The following CNTNAP2 variants were observed in gnomAD, a reference collection of about 807,000 sequenced individuals.
CNTNAP2 encodes the protein contactin-associated protein-like 2.
In CNTNAP2, 98 loss-of-function variants were observed where a neutral mutation model predicts 155.2. The observed-to-expected ratio is 0.63, with a 90% confidence interval of 0.54 to 0.75. CNTNAP2 has a LOEUF of 0.75. Ranked by LOEUF, CNTNAP2 falls within the 30% of genes least tolerant of loss-of-function variation. CNTNAP2 has a pLI of 0.00. For synonymous variants in CNTNAP2, 651 were observed against 631.2 expected (o/e 1.03, Z -0.47); for missense variants, 1,727 against 1,688.1 (o/e 1.02, Z -0.40).
chr7:147,359,720 A>G (rs919997430), intron 9 of CNTNAP2, among the ~76,000 whole-genome samples: 1 of 152,012 alleles, frequency 6.6e-6, no homozygotes, highest in African/African-American at 2.4e-5. Flanking sequence ...ACTTGCTCAC[A>G]TGGCCACTTG....
chr7:146,417,024 ATAT>A (rs1465090376), intron 1 of CNTNAP2, among the ~76,000 whole-genome samples: 1 of 152,064 alleles, frequency 6.6e-6, no homozygotes, highest in Non-Finnish European at 1.5e-5. Context: ...GTATCCTAAA[ATAT>A]TATGCTGTGG....
At chr7:148,108,112 C>A (rs1804263236) in intron 15 of CNTNAP2, among the ~76,000 whole-genome samples, 1 of 152,232 alleles carries the variant, frequency 6.6e-6, no homozygotes, top group African/African-American at 2.4e-5. Flanking sequence ...GGAGACAGGG[C>A]AGGGGCAGGC....
At chr7:147,531,130 A>T (rs1799424309) in intron 11 of CNTNAP2, among the ~76,000 whole-genome samples, 1 of 152,116 alleles carries the variant, frequency 6.6e-6, no homozygotes, top group Non-Finnish European at 1.5e-5. Flanking sequence ...ATGGCTTTAC[A>T]GGGTACAGCC....
chr7:147,329,797 T>C (rs1047979520), intron 9 of CNTNAP2, among the ~76,000 whole-genome samples: 13 of 152,174 alleles, frequency 8.5e-5, no homozygotes, highest in African/African-American at 3.1e-4. Context: ...TACATCTTCC[T>C]CTACTCTTTT....
At chr7:146,460,513 A>T (rs1222897847) in intron 1 of CNTNAP2, among the ~76,000 whole-genome samples, 1 of 152,242 alleles carries the variant, frequency 6.6e-6, no homozygotes, top group South Asian at 2.1e-4. Flanking sequence ...TAGCCAAGAT[A>T]TGGAATCAAC....
intron 12 of CNTNAP2, among the ~76,000 whole-genome samples, chr7:147,563,815 T>C (rs1255057098): frequency 6.6e-6 from 1 of 152,092 alleles, no homozygotes; most frequent in African/African-American, 2.4e-5. Flanking sequence ...TGATTCATTA[T>C]GTGTGAAGTG....
intron 8 of CNTNAP2, among the ~76,000 whole-genome samples, chr7:147,160,764 A>G (rs567844987): frequency 2.6e-5 from 4 of 152,282 alleles, no homozygotes; most frequent in African/African-American, 9.6e-5. Context: ...AAATATGCAG[A>G]GGCATAAAGG....
chr7:147,211,545 C>CA (rs1212394576), intron 8 of CNTNAP2, among the ~76,000 whole-genome samples: 1 of 151,788 alleles, frequency 6.6e-6, no homozygotes, highest in African/African-American at 2.4e-5. Flanking sequence ...GACAAGTCAC[C>CA]AAAAAATTAG....
chr7:146,882,441 C>A (rs151049749), intron 3 of CNTNAP2, among the ~76,000 whole-genome samples: 17 of 152,078 alleles, frequency 1.1e-4, no homozygotes, highest in African/African-American at 4.1e-4. Context: ...ATCATGGTTC[C>A]GCCATGCTGT....
chr7:147,995,578 A>T (rs1431839069), intron 15 of CNTNAP2, among the ~76,000 whole-genome samples: 1 of 149,528 alleles, frequency 6.7e-6, no homozygotes, highest in Non-Finnish European at 1.5e-5. Flanking sequence ...CCCAGGCTGC[A>T]GTGCAGTGGT....
intron 13 of CNTNAP2, among the ~76,000 whole-genome samples, chr7:147,796,674 C>T (rs112918293): frequency 0.028 from 4,319 of 152,068 alleles, 197 homozygotes; most frequent in African/African-American, 0.099. Context: ...GCATAAAACA[C>T]AGATGACAAA....
chr7:146,367,684 T>C (rs1795174889), intron 1 of CNTNAP2, among the ~76,000 whole-genome samples: 1 of 152,184 alleles, frequency 6.6e-6, no homozygotes. Flanking sequence ...TGTAACTCAA[T>C]TGCCTTTTTG....
intron 3 of CNTNAP2, 85 bp from the exon 4 acceptor site, chr7:147,043,822 C>T (rs1323598660): frequency 7.4e-6 from 11 of 1,494,826 alleles, no homozygotes; most frequent in Middle Eastern, 1.7e-4. Context: ...CATTGGATGA[C>T]ATTTGTGTTT....
At chr7:148,388,881 G>A (rs1030748895) in intron 22 of CNTNAP2, among the ~76,000 whole-genome samples, 10 of 152,240 alleles carry the variant, frequency 6.6e-5, no homozygotes, top group East Asian at 1.9e-4. Context: ...CCATCTGATC[G>A]TTCCTCTGGA....
intron 1 of CNTNAP2, among the ~76,000 whole-genome samples, chr7:146,404,194 G>T (rs1795757815): frequency 6.7e-6 from 1 of 149,930 alleles, no homozygotes; most frequent in South Asian, 2.1e-4. Context: ...AAGATGAAAA[G>T]ATGAATATTC....
chr7:147,282,441 G>A (rs1164894731), intron 8 of CNTNAP2, among the ~76,000 whole-genome samples: 5 of 151,880 alleles, frequency 3.3e-5, no homozygotes, highest in Non-Finnish European at 1.5e-5. Context: ...AGTGAAGATT[G>A]AGAATCTTCA....
intron 3 of CNTNAP2, among the ~76,000 whole-genome samples, chr7:146,898,183 C>G (rs1051985783): frequency 6.6e-6 from 1 of 151,992 alleles, no homozygotes; most frequent in Non-Finnish European, 1.5e-5. Context: ...CAATTATCTT[C>G]TGGATTTTAA....
At chr7:147,599,703 T>C (rs1800907492) in intron 12 of CNTNAP2, among the ~76,000 whole-genome samples, 1 of 152,130 alleles carries the variant, frequency 6.6e-6, no homozygotes, top group Non-Finnish European at 1.5e-5. Context: ...CTCCCGTCTC[T>C]GTCTTGTCAT....
chr7:148,022,437 C>G (rs1303558155), intron 15 of CNTNAP2, among the ~76,000 whole-genome samples: 1 of 149,128 alleles, frequency 6.7e-6, no homozygotes, highest in Non-Finnish European at 1.5e-5. Flanking sequence ...CCACTGCCCT[C>G]CAGCCTGGGT....
Sources: allele counts gnomAD v4.1 joint callset (sites outside exome capture counted in the v4.1 genomes callset), GRCh38; gene constraint gnomAD v4.1.1; transcripts MANE v1.5; gene names NCBI Gene and HGNC (gene_info 2026-07-23, HGNC 2026-07-21).